ELAPOR1: variants seen among roughly 807,000 people sequenced by gnomAD.
The protein encoded by ELAPOR1 is endosome-lysosome associated apoptosis and autophagy regulator 1.
In ELAPOR1, 77 loss-of-function variants were observed where a neutral mutation model predicts 119.7. The observed-to-expected ratio is 0.64, with a 90% confidence interval of 0.54 to 0.78. The LOEUF is 0.78. Among genes scored for constraint, ELAPOR1 ranks in the 30% least tolerant of loss-of-function variants. The pLI is 0.00. For synonymous variants in ELAPOR1, 481 were observed against 487.2 expected, an observed-to-expected ratio of 0.99 and a Z score of 0.17; for missense variants, 1,115 against 1,270.4, an observed-to-expected ratio of 0.88 and a Z score of 1.86.
intron 3 of ELAPOR1, among the ~76,000 whole-genome samples, chr1:109,166,573 G>T (rs1265185350): frequency 6.6e-6 from 1 of 152,120 alleles, no homozygotes; most frequent in African/African-American, 2.4e-5. Flanking sequence ...TGTGAAATAG[G>T]CATTACTATT....
intron 20 of ELAPOR1, 133 bp downstream of exon 20, chr1:109,200,370 G>A: frequency 1.9e-6 from 2 of 1,078,822 alleles, no homozygotes; most frequent in Non-Finnish European, 2.7e-6. Flanking sequence ...CCAGTGCATG[G>A]TTTGGTTATC....
chr1:109,188,398 T>C, intron 9 of ELAPOR1, 44 bp downstream of exon 9: 1 of 1,568,938 alleles, frequency 6.4e-7, no homozygotes, highest in Non-Finnish European at 8.7e-7. Context: ...ATCGACTGTG[T>C]GGGTGGGCTG....
rs192598340 is a variant in ELAPOR1 at position 109,189,051 on chromosome 1, T to C, written c.1220-15T>C. The C allele has an allele frequency of 1.6e-5, 26 of 1,612,616 alleles. No individual in the cohort carries two copies. In the African/African-American group the frequency reaches 3.1e-4, roughly 19 times the overall value. On this transcript the variant is annotated splice_polypyrimidine_tract_variant and intron_variant, in intron 9 of 21. Coordinates refer to ENST00000369939, the MANE Select transcript of ELAPOR1 (RefSeq NM_020775.5). ...CTTCCCACTGAATGCATGGATCTTG[T>C]TTGTGGTTCCCCAGACTGTACCCGC...
At chr1:109,196,294 T>A (rs1653789002) in intron 15 of ELAPOR1, among the ~76,000 whole-genome samples, 1 of 152,206 alleles carries the variant, frequency 6.6e-6, no homozygotes, top group Non-Finnish European at 1.5e-5. Flanking sequence ...AAAGAGAACA[T>A]GTCAAGAAAT....
At chr1:109,158,246 G>A (rs1454441495) in intron 1 of ELAPOR1, among the ~76,000 whole-genome samples, 1 of 151,710 alleles carries the variant, frequency 6.6e-6, no homozygotes, top group Non-Finnish European at 1.5e-5. Context: ...TTGAAAGCAA[G>A]TGGTGGGAAG....
At chr1:109,198,709 A>C in intron 18 of ELAPOR1, 35 bp downstream of exon 18, 1 of 1,553,132 alleles carries the variant, frequency 6.4e-7, no homozygotes, top group South Asian at 1.1e-5. Context: ...AAAGGCCAAA[A>C]TCTCCCTTGA....
Position 109,200,785 on chromosome 1 carries a change from G to A in ELAPOR1, c.2858G>A (p.Cys953Tyr), listed in dbSNP as rs1207440833. ...GTGATGAATGCTACTCTCAAGGACT[G>A]TGACCTGCCAGCAGCTGACAGCTGC... ...KLVMNATLKD[C>Y]DLPAADSCAI... The change falls in exon 21 of 22, where the codon TGT becomes TAT. Residue 953 changes from cysteine to tyrosine, a missense_variant. Physicochemically the swap from Cys to Tyr is radical, Grantham distance 194. Coordinates refer to ENST00000369939, the MANE Select transcript of ELAPOR1 (RefSeq NM_020775.5). 5.0e-6 allele frequency: 8 copies of A among 1,614,214 alleles called. No individual in the cohort carries two copies. In the East Asian group the frequency reaches 1.8e-4, roughly 36 times the overall value.
chr1:109,197,509 T>TG lies in ELAPOR1; in HGVS notation c.2158dup (p.Asp720GlyfsTer6). On this transcript the variant is annotated frameshift_variant, in exon 16 of 22. Transcript: ENST00000369939. LOFTEE classifies it high-confidence loss of function. ...TGTCTGTGTGCACCGACAATGTCACTGACCTCCGGATTCCTGAGGGTGAGT... is the reference window on the plus strand; with the variant it reads ...TGTCTGTGTGCACCGACAATGTCACTGGACCTCCGGATTCCTGAGGGTGAGT... The TG allele has an allele frequency of 6.2e-7, 1 of 1,614,196 alleles. No individual in the cohort carries two copies. The highest frequency in any genetic ancestry group is 8.5e-7 in the Non-Finnish European group (1 of 1,180,028).
intron 7 of ELAPOR1, among the ~76,000 whole-genome samples, 160 bp from the exon 8 acceptor site, chr1:109,184,885 A>G (rs565030702): frequency 2.6e-5 from 4 of 152,204 alleles, no homozygotes; most frequent in African/African-American, 7.2e-5. Context: ...AAATGACACT[A>G]TTGAGACAAG....
chr1:109,173,758 C>T lies in ELAPOR1; in HGVS notation c.873C>T (p.Phe291=). The T allele has an allele frequency of 1.2e-6, 2 of 1,614,186 alleles. No homozygotes were observed. Among genetic ancestry groups the T allele is most frequent in the African/African-American group, 2.7e-5 (2 of 75,034 alleles). The part of the protein sequence containing the change: ...GTYADKQGSS[F]CKLCPANSYS... ...ATGCAGACAAGCAGGGCTCCTCTTT[C>T]TGCAAACTTTGCCCAGCCAACTCTT... The change falls in exon 7 of 22, where the codon TTC becomes TTT. Residue 291 remains phenylalanine, a synonymous_variant. Coordinates refer to ENST00000369939, the MANE Select transcript of ELAPOR1 (RefSeq NM_020775.5).
In ELAPOR1 at chr1:109,205,479, G is replaced by A. The variant is rs1362169085; in HGVS notation, c.*2467G>A. The A allele has an allele frequency of 2.0e-5, 3 of 152,198 alleles. No individual in the cohort carries two copies. Among genetic ancestry groups the A allele is most frequent in the Non-Finnish European group, 2.9e-5 (2 of 68,038 alleles). The allele number at this position is 152,198 out of a possible 1,614,324, so 9.4% of individuals were successfully genotyped here. ...TTTAATAAATCCAGTTTTTCTTTGG[G>A]TATCCAAATTCTCCCCTCCTTTTGT... is the stretch of plus-strand genomic sequence containing the variant. On this transcript the variant is annotated 3_prime_UTR_variant, in exon 22 of 22. Transcript: ENST00000369939.
At chr1:109,162,299 T>C (rs1478119200) in intron 2 of ELAPOR1, among the ~76,000 whole-genome samples, 2 of 152,252 alleles carry the variant, frequency 1.3e-5, no homozygotes, top group Non-Finnish European at 2.9e-5. Flanking sequence ...AGATATTCTT[T>C]TCTGTTTGCA....
chr1:109,168,331 C>G (rs981056605), intron 3 of ELAPOR1, among the ~76,000 whole-genome samples: 1 of 152,226 alleles, frequency 6.6e-6, no homozygotes, highest in African/African-American at 2.4e-5. Context: ...AAGCTTCTGT[C>G]TCCTCAACTA....
chr1:109,187,539 T>G (rs1474202462), intron 8 of ELAPOR1: 1 of 1,001,416 alleles, frequency 1.0e-6, no homozygotes, highest in East Asian at 1.1e-4. Flanking sequence ...TGTCTGTGAC[T>G]CGATCTGAGG....
intron 8 of ELAPOR1, chr1:109,187,168 C>G: frequency 1.0e-6 from 1 of 985,488 alleles, no homozygotes; most frequent in Non-Finnish European, 1.2e-6. Context: ...TCAGTTGTTT[C>G]TCAGGGACCA....
At position 109,199,987 on chromosome 1, in the gene ELAPOR1, T is replaced by C. The variant is rs1570735164; in HGVS notation, c.2628+7T>C. On this transcript the variant is annotated splice_region_variant and intron_variant, in intron 19 of 21. Coordinates refer to ENST00000369939, the MANE Select transcript of ELAPOR1 (RefSeq NM_020775.5). ...CTGTGTGGCTGGGATCCAGGTGGGT[T>C]TCCCTCTGATCGGGCACTTCCATGA... is the stretch of plus-strand genomic sequence containing the variant. 1 of 1,614,038 alleles carries C rather than the reference T, an allele frequency of 6.2e-7. No individual in the cohort carries two copies. The highest frequency in any genetic ancestry group is 2.2e-5 in the East Asian group (1 of 44,870).
intron 7 of ELAPOR1, among the ~76,000 whole-genome samples, chr1:109,174,440 A>T (rs1319431665): frequency 6.8e-6 from 1 of 146,496 alleles, no homozygotes; most frequent in Admixed American, 6.9e-5. Context: ...AAAAAAAAAA[A>T]AAAAAAAATC....
chr1:109,188,402 T>TGGGCTGTGTGGGC, intron 9 of ELAPOR1, 48 bp downstream of exon 9: 1 of 1,559,500 alleles, frequency 6.4e-7, no homozygotes, highest in Non-Finnish European at 8.7e-7. Context: ...ACTGTGTGGG[T>TGGGCTGTGTGGGC]GGGCTGTGTG....
chr1:109,206,708 C>T lies in ELAPOR1; in HGVS notation c.*3696C>T, dbSNP rs1030804052. 1 of 150,002 alleles carries T rather than the reference C, an allele frequency of 6.7e-6. No homozygotes were observed. The highest frequency in any genetic ancestry group is 1.9e-4 in the East Asian group (1 of 5,146). The allele number at this position is 150,002 out of a possible 1,614,324, so 9.3% of individuals were successfully genotyped here. On this transcript the variant is annotated 3_prime_UTR_variant, in exon 22 of 22. Transcript: ENST00000369939. ...TTTCCTTTTTACCCTGTAATCCAAG[C>T]GTTAATAGTTTGTTAGAAGATGGGT...
Sources: allele counts gnomAD v4.1 joint callset (sites outside exome capture counted in the v4.1 genomes callset), GRCh38; gene constraint gnomAD v4.1.1; transcripts MANE v1.5; gene names NCBI Gene and HGNC (gene_info 2026-07-23, HGNC 2026-07-21).